TENM4: variants seen among roughly 807,000 people sequenced by gnomAD.
TENM4 encodes teneurin-4.
In TENM4, 82 loss-of-function variants were observed where a neutral mutation model predicts 243.3. The observed-to-expected ratio is 0.34, with a 90% CI of 0.28 to 0.40. TENM4 has a LOEUF of 0.40. Ranked by LOEUF, TENM4 falls within the 10% of genes least tolerant of loss-of-function variation. TENM4 has a pLI of 1.00. For missense variants in TENM4, 3,138 were observed against 3,673.3 expected (o/e 0.85, Z 3.77); for synonymous variants, 1,412 against 1,456.3 (o/e 0.97, Z 0.69).
chr11:79,038,027 C>T (rs529035286), intron 6 of TENM4, among the ~76,000 whole-genome samples: 6 of 152,288 alleles, frequency 3.9e-5, no homozygotes, highest in Non-Finnish European at 8.8e-5. Context: ...ATAATAGGGA[C>T]ATTTGGCCAG....
At chr11:78,690,836 CTAGG>C (rs1858801141) in intron 28 of TENM4, among the ~76,000 whole-genome samples, 3 of 152,170 alleles carry the variant, frequency 2.0e-5, no homozygotes, top group Non-Finnish European at 4.4e-5. Flanking sequence ...GGATGCTGTT[CTAGG>C]CTGACTCTTT....
intron 1 of TENM4, among the ~76,000 whole-genome samples, chr11:79,340,725 C>T (rs1857228000): frequency 6.6e-6 from 1 of 152,152 alleles, no homozygotes; most frequent in Non-Finnish European, 1.5e-5. Context: ...CATTCCTGCA[C>T]ATCCATCTGG....
intron 19 of TENM4, chr11:78,749,443 G>A (rs1856130856): frequency 6.7e-6 from 1 of 148,612 alleles, no homozygotes; most frequent in African/African-American, 2.5e-5. Flanking sequence ...TAATAAATTT[G>A]CTCAGAGGCC....
At chr11:79,212,161 G>C (rs184203593) in intron 3 of TENM4, among the ~76,000 whole-genome samples, 15 of 152,324 alleles carry the variant, frequency 9.8e-5, no homozygotes, top group Non-Finnish European at 1.5e-5. Flanking sequence ...TAATGAGACA[G>C]AGAGAGAAAA....
intron 9 of TENM4, among the ~76,000 whole-genome samples, chr11:78,883,127 G>A (rs553954113): frequency 3.7e-4 from 57 of 152,318 alleles, no homozygotes; most frequent in East Asian, 9.6e-4. Context: ...GTCCAAGGAC[G>A]GGTAACAACC....
At chr11:79,413,304 C>T (rs532591391) in intron 1 of TENM4, among the ~76,000 whole-genome samples, 2 of 152,220 alleles carry the variant, frequency 1.3e-5, no homozygotes, top group Non-Finnish European at 2.9e-5. Context: ...GGCTGCGCAC[C>T]ACTCCTTTGG....
chr11:78,691,618 T>C (rs1858826983), intron 28 of TENM4, among the ~76,000 whole-genome samples: 1 of 152,212 alleles, frequency 6.6e-6, no homozygotes, highest in Non-Finnish European at 1.5e-5. Context: ...AGGCAGACAA[T>C]TGCAATTATT....
intron 1 of TENM4, among the ~76,000 whole-genome samples, chr11:79,392,771 G>C (rs904642384): frequency 6.6e-6 from 1 of 152,212 alleles, no homozygotes; most frequent in Non-Finnish European, 1.5e-5. Flanking sequence ...AGGGTTTAAG[G>C]TCTTCCTAAA....
intron 4 of TENM4, among the ~76,000 whole-genome samples, chr11:79,144,559 A>G (rs193127679): frequency 4.0e-3 from 608 of 152,262 alleles, no homozygotes; most frequent in Middle Eastern, 6.8e-3. Context: ...ATGGATAAAG[A>G]AAATATGGAA....
At chr11:78,958,683 C>T (rs1857256918) in intron 6 of TENM4, among the ~76,000 whole-genome samples, 1 of 152,220 alleles carries the variant, frequency 6.6e-6, no homozygotes, top group Non-Finnish European at 1.5e-5. Flanking sequence ...GGGCAGAGGG[C>T]CTCTGGGGTG....
intron 9 of TENM4, among the ~76,000 whole-genome samples, chr11:78,871,729 T>C (rs1212367058): frequency 6.6e-6 from 1 of 152,114 alleles, no homozygotes; most frequent in African/African-American, 2.4e-5. Flanking sequence ...TCCTTGGGTC[T>C]AAGGTAAGGG....
chr11:79,340,116 A>G (rs916236086), intron 1 of TENM4, among the ~76,000 whole-genome samples: 16 of 152,212 alleles, frequency 1.1e-4, no homozygotes, highest in African/African-American at 3.9e-4. Flanking sequence ...TTCGAATGGA[A>G]TCAATTTCCC....
intron 6 of TENM4, among the ~76,000 whole-genome samples, chr11:79,033,268 T>C (rs890482387): frequency 6.6e-6 from 1 of 152,190 alleles, no homozygotes; most frequent in African/African-American, 2.4e-5. Context: ...TAAGTATTTG[T>C]TGATTTGTCA....
At chr11:78,900,741 C>T (rs998745268) in intron 7 of TENM4, among the ~76,000 whole-genome samples, 2 of 152,134 alleles carry the variant, frequency 1.3e-5, no homozygotes, top group African/African-American at 4.8e-5. Flanking sequence ...AAAGCCAAGG[C>T]AGGTATGAAG....
intron 33 of TENM4, among the ~76,000 whole-genome samples, 179 bp downstream of exon 33, chr11:78,661,270 C>A (rs1169044209): frequency 1.3e-5 from 2 of 152,198 alleles, no homozygotes; most frequent in Non-Finnish European, 2.9e-5. Context: ...GTCATGGCTG[C>A]GTCCCTAGCA....
intron 1 of TENM4, among the ~76,000 whole-genome samples, chr11:79,398,647 T>A (rs991590007): frequency 6.7e-6 from 1 of 149,830 alleles, no homozygotes; most frequent in African/African-American, 2.5e-5. Flanking sequence ...GAACTTAACA[T>A]GATCAGGGAT....
chr11:79,011,740 T>A (rs1398748002), intron 6 of TENM4, among the ~76,000 whole-genome samples: 1 of 152,228 alleles, frequency 6.6e-6, no homozygotes, highest in Non-Finnish European at 1.5e-5. Flanking sequence ...ACTTATGGCC[T>A]GAAATAATGT....
intron 1 of TENM4, among the ~76,000 whole-genome samples, chr11:79,372,984 G>T (rs1857816582): frequency 6.6e-6 from 1 of 152,128 alleles, no homozygotes; most frequent in Non-Finnish European, 1.5e-5. Flanking sequence ...TATTCAAACT[G>T]CAGATAAGAG....
Position 78,786,902 on chromosome 11 carries a change from G to T in TENM4, c.2361C>A (p.Thr787=). The T allele has an allele frequency of 6.2e-7, 1 of 1,608,194 alleles. No individual in the cohort carries two copies. The highest frequency in any genetic ancestry group is 2.2e-5 in the East Asian group (1 of 44,682). ...GGGGACCTCGGCCCGCCATACCGAT[G>T]GTGCAGTGTTCGCCATTCCAGCCAG... The part of the protein sequence containing the change: ...CSPGWNGEHC[T]IAHYLDRVVK... The change falls in exon 16 of 34, where the codon ACC becomes ACA. Residue 787 remains threonine (T), a synonymous_variant. Transcript: ENST00000278550.
Sources: gnomAD v4.1 joint callset for allele counts (sites outside exome capture counted in the v4.1 genomes callset) on GRCh38, gnomAD v4.1.1 for gene constraint, MANE v1.5 for transcripts, NCBI Gene and HGNC (gene_info 2026-07-23, HGNC 2026-07-21) for gene names.